R3HCC1L: variants seen among roughly 807,000 people sequenced by gnomAD.
R3HCC1L encodes coiled-coil domain-containing protein R3HCC1L.
R3HCC1L carries 51 observed loss-of-function variants against 59.9 expected under a neutral mutation model. That is an observed-to-expected ratio of 0.85 (90% CI 0.68 to 1.07). The LOEUF (loss-of-function observed/expected upper bound fraction) is 1.07. Among genes scored for constraint, R3HCC1L ranks in the 50% least tolerant of loss-of-function variants. The pLI, the probability that R3HCC1L is intolerant of heterozygous loss-of-function variation, is 0.00. For synonymous variants in R3HCC1L, 322 were observed against 315.2 expected (o/e 1.02, Z -0.23); for missense variants, 965 against 933.0 (o/e 1.03, Z -0.45).
At chr10:98,191,860 T>A (rs1032446878) in intron 4 of R3HCC1L, among the ~76,000 whole-genome samples, 16 of 152,232 alleles carry the variant, frequency 1.1e-4, no homozygotes, top group African/African-American at 3.9e-4. Context: ...AGTCTCACTC[T>A]GTTGCCCAGG....
chr10:98,225,952 G>A (rs971356446), intron 5 of R3HCC1L, among the ~76,000 whole-genome samples: 19 of 151,858 alleles, frequency 1.3e-4, no homozygotes, highest in African/African-American at 3.9e-4. Context: ...GCTATCCTCC[G>A]GCCTCAGCAC....
chr10:98,147,250 C>A (rs889072188), intron 1 of R3HCC1L, among the ~76,000 whole-genome samples: 6 of 151,944 alleles, frequency 3.9e-5, no homozygotes, highest in African/African-American at 1.4e-4. Flanking sequence ...GTTTTTAAAT[C>A]AATCTGATTT....
chr10:98,223,112 A>G (rs978298663), intron 5 of R3HCC1L, among the ~76,000 whole-genome samples: 1 of 152,172 alleles, frequency 6.6e-6, no homozygotes, highest in Non-Finnish European at 1.5e-5. Flanking sequence ...CCAGAGGTAC[A>G]AGGAGGAACT....
chr10:98,188,607 T>C (rs1283604194), intron 4 of R3HCC1L, among the ~76,000 whole-genome samples: 2 of 152,222 alleles, frequency 1.3e-5, no homozygotes, highest in Non-Finnish European at 2.9e-5. Context: ...GCCTCAGTTA[T>C]GTCTTTCAGA....
intron 5 of R3HCC1L, among the ~76,000 whole-genome samples, chr10:98,219,239 G>A (rs964555798): frequency 1.7e-4 from 26 of 152,126 alleles, no homozygotes; most frequent in African/African-American, 6.3e-4. Context: ...TTGACTTAAA[G>A]TCTGTTTTAT....
chr10:98,174,242 G>C (rs552644401), intron 4 of R3HCC1L, among the ~76,000 whole-genome samples: 1 of 152,004 alleles, frequency 6.6e-6, no homozygotes, highest in Admixed American at 6.6e-5. Context: ...TTCATGTGTC[G>C]GGCATTGTAT....
At chr10:98,168,467 G>A (rs933540186) in intron 4 of R3HCC1L, among the ~76,000 whole-genome samples, 1 of 152,094 alleles carries the variant, frequency 6.6e-6, no homozygotes, top group Non-Finnish European at 1.5e-5. Context: ...GTGTTATGTC[G>A]TGAGAAAGAC....
At chr10:98,143,298 T>C (rs1845346563) in intron 1 of R3HCC1L, among the ~76,000 whole-genome samples, 1 of 152,236 alleles carries the variant, frequency 6.6e-6, no homozygotes, top group African/African-American at 2.4e-5. Flanking sequence ...AGTAATTCTC[T>C]CTTACCATCA....
intron 2 of R3HCC1L, among the ~76,000 whole-genome samples, chr10:98,157,674 G>C (rs551658998): frequency 6.6e-6 from 1 of 152,304 alleles, no homozygotes; most frequent in South Asian, 2.1e-4. Context: ...AACTTCCAAA[G>C]CTTTGTTACT....
chr10:98,168,528 G>C (rs556770017), intron 4 of R3HCC1L, among the ~76,000 whole-genome samples: 2 of 152,202 alleles, frequency 1.3e-5, no homozygotes, highest in African/African-American at 4.8e-5. Flanking sequence ...GATCCTACTG[G>C]AATCATGTAT....
chr10:98,220,705 A>T (rs1159879654), intron 5 of R3HCC1L, among the ~76,000 whole-genome samples: 1 of 151,580 alleles, frequency 6.6e-6, no homozygotes, highest in Non-Finnish European at 1.5e-5. Context: ...AAAGGACATG[A>T]ACTCATCATT....
At chr10:98,145,879 G>A (rs1564611083) in intron 1 of R3HCC1L, among the ~76,000 whole-genome samples, 1 of 151,924 alleles carries the variant, frequency 6.6e-6, no homozygotes, top group African/African-American at 2.4e-5. Flanking sequence ...AACCCTGGAG[G>A]CGGAGGTTGC....
At chr10:98,165,897 T>C (rs567014108) in intron 4 of R3HCC1L, among the ~76,000 whole-genome samples, 17 of 152,058 alleles carry the variant, frequency 1.1e-4, no homozygotes, top group African/African-American at 3.9e-4. Context: ...AGGGACCAGG[T>C]GCGATGGCTC....
At chr10:98,147,976 T>G (rs2133959645) in intron 1 of R3HCC1L, among the ~76,000 whole-genome samples, 1 of 152,328 alleles carries the variant, frequency 6.6e-6, no homozygotes, top group East Asian at 1.9e-4. Context: ...GAGATTGCAT[T>G]GAATCTGTAC....
intron 5 of R3HCC1L, among the ~76,000 whole-genome samples, chr10:98,227,580 T>G (rs199631620): frequency 0.15 from 22,316 of 150,510 alleles, 2,037 homozygotes; most frequent in Non-Finnish European, 0.2. Flanking sequence ...GTGTGTGTTT[T>G]TTTTTTTTTT....
In R3HCC1L at chr10:98,209,484, A is replaced by G; in HGVS notation, c.1370A>G (p.Glu457Gly). 6.2e-7 allele frequency: 1 copy of G among 1,613,810 alleles called. No individual in the cohort carries two copies. The highest frequency in any genetic ancestry group is 8.5e-7 in the Non-Finnish European group (1 of 1,179,974). ...YGESISSHFT[E>G]STGKLIESLS... ...GAGAGTATTTCATCTCATTTTACAG[A>G]GTCAACAGGAAAGTTGATAGAGAGC... The change falls in exon 5 of 10, where the codon GAG (glutamate) becomes GGG (glycine). Residue 457 changes from glutamate to glycine, a missense_variant. Transcript: ENST00000298999.
At chr10:98,214,130 T>G (rs1032927309) in intron 5 of R3HCC1L, among the ~76,000 whole-genome samples, 3 of 152,160 alleles carry the variant, frequency 2.0e-5, no homozygotes, top group Non-Finnish European at 4.4e-5. Flanking sequence ...TTGCATAACA[T>G]TTTTTCCTCA....
At chr10:98,239,540 T>C (rs922137665) in intron 9 of R3HCC1L, among the ~76,000 whole-genome samples, 1 of 152,212 alleles carries the variant, frequency 6.6e-6, no homozygotes, top group Non-Finnish European at 1.5e-5. Flanking sequence ...CATTGGTTAC[T>C]CTAATTTTTC....
intron 4 of R3HCC1L, among the ~76,000 whole-genome samples, chr10:98,207,437 C>G (rs1436084017): frequency 6.6e-6 from 1 of 152,150 alleles, no homozygotes; most frequent in Non-Finnish European, 1.5e-5. Flanking sequence ...CCTTGGTCTT[C>G]TATCCTCCTT....
Sources: gnomAD v4.1 joint callset for allele counts (sites outside exome capture counted in the v4.1 genomes callset) on GRCh38, gnomAD v4.1.1 for gene constraint, MANE v1.5 for transcripts, NCBI Gene and HGNC (gene_info 2026-07-23, HGNC 2026-07-21) for gene names.